The following CADM1 variants were observed in gnomAD, a reference collection of about 807,000 sequenced individuals.
CADM1 encodes the protein cell adhesion molecule 1.
A neutral mutation model predicts 53.1 loss-of-function variants in CADM1; 15 were observed. The ratio of observed to expected loss-of-function variants is 0.28; its 90% confidence interval spans 0.19 to 0.44. The LOEUF is 0.44. Among genes scored for constraint, CADM1 ranks in the 20% least tolerant of loss-of-function variants. CADM1 has a pLI of 1.00. For missense variants in CADM1, 434 were observed against 611.3 expected, an observed-to-expected ratio of 0.71 and a Z score of 3.06; for synonymous variants, 281 against 243.0, an observed-to-expected ratio of 1.16 and a Z score of -1.45.
intron 1 of CADM1, among the ~76,000 whole-genome samples, chr11:115,396,271 G>T (rs984919333): frequency 1.3e-5 from 2 of 152,182 alleles, no homozygotes; most frequent in African/African-American, 4.8e-5. Flanking sequence ...GACCACATTA[G>T]ATTTAAGATA....
chr11:115,281,789 G>C (rs937218772), intron 1 of CADM1, among the ~76,000 whole-genome samples: 1 of 151,786 alleles, frequency 6.6e-6, no homozygotes, highest in Non-Finnish European at 1.5e-5. Flanking sequence ...TAAATAAAAA[G>C]AATGTACTTT....
intron 1 of CADM1, among the ~76,000 whole-genome samples, chr11:115,464,435 T>C (rs1194662686): frequency 6.6e-6 from 1 of 152,142 alleles, no homozygotes; most frequent in Non-Finnish European, 1.5e-5. Context: ...CTTAAGCATT[T>C]TTCTCATTTT....
chr11:115,195,919 T>G (rs1940123431), intron 9 of CADM1, among the ~76,000 whole-genome samples: 1 of 152,224 alleles, frequency 6.6e-6, no homozygotes, highest in South Asian at 2.1e-4. Flanking sequence ...AATGTATTTA[T>G]AAGTGTATTA....
At chr11:115,360,056 A>T (rs1287955788) in intron 1 of CADM1, among the ~76,000 whole-genome samples, 1 of 152,216 alleles carries the variant, frequency 6.6e-6, no homozygotes, top group African/African-American at 2.4e-5. Context: ...AATTCTGGCC[A>T]AGAGCATTAA....
intron 5 of CADM1, among the ~76,000 whole-genome samples, chr11:115,226,779 G>A (rs965845175): frequency 6.6e-6 from 1 of 152,164 alleles, no homozygotes; most frequent in Non-Finnish European, 1.5e-5. Context: ...GAAACTTTTT[G>A]TTACTGCATA....
chr11:115,480,590 GAC>G (rs1199294752), intron 1 of CADM1, among the ~76,000 whole-genome samples: 1 of 152,278 alleles, frequency 6.6e-6, no homozygotes, highest in Admixed American at 6.5e-5. Context: ...TGGGAAGAGT[GAC>G]ATTTCAGTCT....
At chr11:115,456,232 T>TG (rs1343671139) in intron 1 of CADM1, among the ~76,000 whole-genome samples, 1 of 152,118 alleles carries the variant, frequency 6.6e-6, no homozygotes, top group Non-Finnish European at 1.5e-5. Context: ...GGCAATTACT[T>TG]GCATACTTAC....
chr11:115,270,328 A>G (rs1467508618), intron 1 of CADM1, among the ~76,000 whole-genome samples: 1 of 152,174 alleles, frequency 6.6e-6, no homozygotes, highest in Non-Finnish European at 1.5e-5. Context: ...CTACTTTACC[A>G]TATTTATTAT....
At chr11:115,378,170 G>A (rs546372415) in intron 1 of CADM1, among the ~76,000 whole-genome samples, 2 of 152,178 alleles carry the variant, frequency 1.3e-5, no homozygotes, top group Admixed American at 1.3e-4. Flanking sequence ...ATTCAAACCT[G>A]GGATCAATTT....
At chr11:115,303,054 T>C (rs994746618) in intron 1 of CADM1, among the ~76,000 whole-genome samples, 3 of 152,098 alleles carry the variant, frequency 2.0e-5, no homozygotes, top group Non-Finnish European at 4.4e-5. Flanking sequence ...GCTGGGTGTG[T>C]GGGCTGGATT....
chr11:115,408,128 A>T (rs943609707), intron 1 of CADM1, among the ~76,000 whole-genome samples: 1 of 152,070 alleles, frequency 6.6e-6, no homozygotes. Context: ...TTAAAAAAAA[A>T]CTCTAAAGGA....
Position 115,240,306 on chromosome 11 carries a change from TTGGG to T in CADM1, c.235_238del (p.Pro79ThrfsTer13). 1 of 1,613,860 alleles carries T rather than the reference TTGGG, an allele frequency of 6.2e-7. No individual in the cohort carries two copies. The highest frequency in any genetic ancestry group is 8.5e-7 in the Non-Finnish European group (1 of 1,179,838). On this transcript the variant is annotated frameshift_variant, in exon 2 of 12. Coordinates refer to ENST00000331581, the MANE Select transcript of CADM1 (RefSeq NM_001301043.2). LOFTEE classifies it high-confidence loss of function. ...GTCCCTGAAATAAATGGTCTGCCTG[TTGGG>T]ATTCAGTAGCTGAATCACAGAGTCG...
intron 1 of CADM1, among the ~76,000 whole-genome samples, chr11:115,270,248 A>G (rs746785734): frequency 6.6e-6 from 1 of 152,228 alleles, no homozygotes; most frequent in African/African-American, 2.4e-5. Context: ...CAACATATTT[A>G]TAAGTTTTAA....
chr11:115,375,783 A>G (rs1011491657), intron 1 of CADM1, among the ~76,000 whole-genome samples: 2 of 152,106 alleles, frequency 1.3e-5, no homozygotes, highest in Non-Finnish European at 2.9e-5. Flanking sequence ...TACTTATGAA[A>G]TATCTATCAT....
chr11:115,297,104 T>C (rs143896182), intron 1 of CADM1, among the ~76,000 whole-genome samples: 1 of 152,328 alleles, frequency 6.6e-6, no homozygotes, highest in Admixed American at 6.5e-5. Context: ...GTATTTGGCT[T>C]TGAAGAATAA....
intron 1 of CADM1, among the ~76,000 whole-genome samples, chr11:115,391,558 G>C (rs1946836890): frequency 6.6e-6 from 1 of 152,200 alleles, no homozygotes; most frequent in African/African-American, 2.4e-5. Context: ...AAGAGAAGAG[G>C]AGGAGGATGC....
intron 5 of CADM1, among the ~76,000 whole-genome samples, chr11:115,226,841 C>T (rs1306335604): frequency 6.6e-6 from 1 of 152,146 alleles, no homozygotes; most frequent in Non-Finnish European, 1.5e-5. Context: ...GTAGAGAATT[C>T]CAACTGTGTT....
intron 1 of CADM1, among the ~76,000 whole-genome samples, chr11:115,428,788 T>C (rs1282428150): frequency 1.3e-5 from 2 of 152,014 alleles, no homozygotes; most frequent in Non-Finnish European, 2.9e-5. Context: ...TGCGTGTGTG[T>C]GTGTGTGTGT....
At chr11:115,206,965 T>C (rs1940730756) in intron 8 of CADM1, among the ~76,000 whole-genome samples, 2 of 151,940 alleles carry the variant, frequency 1.3e-5, no homozygotes, top group African/African-American at 2.4e-5. Flanking sequence ...ATCTAGGGGA[T>C]AGCCTGGACC....
Sources: allele counts gnomAD v4.1 joint callset (sites outside exome capture counted in the v4.1 genomes callset), GRCh38; gene constraint gnomAD v4.1.1; transcripts MANE v1.5; gene names NCBI Gene and HGNC (gene_info 2026-07-23, HGNC 2026-07-21).